PRKN: variants seen among roughly 807,000 people sequenced by gnomAD.
PRKN encodes E3 ubiquitin-protein ligase parkin.
A neutral mutation model predicts 59.5 loss-of-function variants in PRKN; 56 were observed. The observed-to-expected ratio is 0.94, with a 90% CI of 0.76 to 1.18. The LOEUF is 1.18. Ranked by LOEUF, PRKN falls within the 50% of genes most tolerant of loss-of-function variation. PRKN has a pLI of 0.00. For synonymous variants in PRKN, 250 were observed against 222.1 expected (o/e 1.13, Z -1.12); for missense variants, 657 against 596.4 (o/e 1.10, Z -1.06).
At chr6:162,121,520 T>C (rs1371339144) in intron 4 of PRKN, among the ~76,000 whole-genome samples, 1 of 152,184 alleles carries the variant, frequency 6.6e-6, no homozygotes, top group Non-Finnish European at 1.5e-5. Flanking sequence ...CTACCAGTTT[T>C]GATTGGAGTC....
intron 3 of PRKN, among the ~76,000 whole-genome samples, chr6:162,247,201 AT>A (rs1779236541): frequency 1.3e-5 from 2 of 152,158 alleles, no homozygotes; most frequent in South Asian, 4.1e-4. Flanking sequence ...CAAAGATCTT[AT>A]TTTGAATACA....
intron 5 of PRKN, among the ~76,000 whole-genome samples, chr6:161,984,938 A>G (rs555045760): frequency 6.6e-6 from 1 of 152,294 alleles, no homozygotes; most frequent in Admixed American, 6.5e-5. Context: ...ATTCCTGGGC[A>G]GGAATGGCCA....
chr6:162,612,483 G>T (rs529781704), intron 1 of PRKN, among the ~76,000 whole-genome samples: 1 of 150,568 alleles, frequency 6.6e-6, no homozygotes, highest in African/African-American at 2.4e-5. Context: ...GATTTCTCTC[G>T]ACAAGTTAAG....
chr6:161,780,925 G>A (rs1203026061), intron 7 of PRKN, among the ~76,000 whole-genome samples: 1 of 152,192 alleles, frequency 6.6e-6, no homozygotes, highest in Middle Eastern at 3.2e-3. Context: ...ATTGTAATTG[G>A]ATATACAGTT....
At chr6:161,896,056 C>A (rs1446802992) in intron 6 of PRKN, among the ~76,000 whole-genome samples, 1 of 152,070 alleles carries the variant, frequency 6.6e-6, no homozygotes, top group Non-Finnish European at 1.5e-5. Flanking sequence ...GGAGGAGAGA[C>A]TAAAGTGCGG....
At chr6:162,545,969 T>A (rs972485368) in intron 1 of PRKN, among the ~76,000 whole-genome samples, 1 of 151,996 alleles carries the variant, frequency 6.6e-6, no homozygotes, top group African/African-American at 2.4e-5. Context: ...AATTTAAGAG[T>A]CTACACTGTT....
rs76722280 is a variant in PRKN at position 161,429,690 on chromosome 6, C to T, written c.1084-42813G>A. On this transcript the variant is annotated intron_variant, in intron 9 of 11. Coordinates refer to ENST00000366898, the MANE Select transcript of PRKN (RefSeq NM_004562.3). The surrounding 1 kb of genome is among the most constrained non-coding windows in gnomAD (Gnocchi z 4.2). ...AAAGAGGAATCCAGAAGTTCCAGTC[C>T]GAGGGTGTGTGGGAGGAGGGTGAGT... Among the ~76,000 whole-genome samples, 427 of 152,130 alleles carry T rather than the reference C, an allele frequency of 2.8e-3. 5 individuals are homozygous for T. The highest frequency in any genetic ancestry group is 9.9e-3 in the African/African-American group (409 of 41,488).
intron 6 of PRKN, among the ~76,000 whole-genome samples, chr6:161,877,079 C>A (rs1794757742): frequency 6.6e-6 from 1 of 152,114 alleles, no homozygotes; most frequent in African/African-American, 2.4e-5. Context: ...GATTCAATGC[C>A]TGAATCCTAT....
At chr6:162,148,306 C>G (rs919545691) in intron 4 of PRKN, among the ~76,000 whole-genome samples, 3 of 151,880 alleles carry the variant, frequency 2.0e-5, no homozygotes, top group Non-Finnish European at 4.4e-5. Flanking sequence ...GAGTTTGACC[C>G]TCGTGATTCA....
chr6:162,027,761 A>G (rs1199234448), intron 5 of PRKN, among the ~76,000 whole-genome samples: 2 of 151,984 alleles, frequency 1.3e-5, no homozygotes, highest in Non-Finnish European at 2.9e-5. Context: ...GCTTATTTCT[A>G]TATTCACAGA....
At chr6:162,122,062 G>A (rs866333679) in intron 4 of PRKN, among the ~76,000 whole-genome samples, 2 of 152,188 alleles carry the variant, frequency 1.3e-5, no homozygotes, top group Non-Finnish European at 2.9e-5. Flanking sequence ...AGTCTCCAGT[G>A]TGAAGATATC....
At chr6:162,105,659 C>G (rs979301564) in intron 4 of PRKN, among the ~76,000 whole-genome samples, 3 of 152,170 alleles carry the variant, frequency 2.0e-5, no homozygotes, top group African/African-American at 7.2e-5. Context: ...CTTGGTCTCC[C>G]AAAGTGCTGG....
chr6:161,879,496 A>G (rs1794853150), intron 6 of PRKN, among the ~76,000 whole-genome samples: 1 of 151,982 alleles, frequency 6.6e-6, no homozygotes, highest in Non-Finnish European at 1.5e-5. Context: ...TATAGGCGTG[A>G]GCCACCACAC....
chr6:162,057,733 G>A (rs952053546), intron 4 of PRKN, among the ~76,000 whole-genome samples: 13 of 152,144 alleles, frequency 8.5e-5, no homozygotes, highest in African/African-American at 2.4e-4. Context: ...TGTGTACGAC[G>A]ATTAGGCAAT....
intron 1 of PRKN, among the ~76,000 whole-genome samples, chr6:162,587,849 T>C (rs1262111558): frequency 6.6e-6 from 1 of 152,096 alleles, no homozygotes; most frequent in Non-Finnish European, 1.5e-5. Context: ...ATTTGAATTA[T>C]CATGCAGAAT....
intron 1 of PRKN, among the ~76,000 whole-genome samples, chr6:162,675,509 G>C (rs571463070): frequency 1.3e-3 from 194 of 152,226 alleles, no homozygotes; most frequent in African/African-American, 4.2e-3. Context: ...AAAATTTCAA[G>C]GGGACAGCAT....
intron 2 of PRKN, among the ~76,000 whole-genome samples, chr6:162,280,656 T>A (rs1780850268): frequency 6.6e-6 from 1 of 151,772 alleles, no homozygotes; most frequent in Admixed American, 6.6e-5. Context: ...CTGGGCATGG[T>A]AGCGTGTGCC....
chr6:161,959,068 T>G lies in PRKN; in HGVS notation c.734+14234A>C, dbSNP rs566812416. 1.1e-4 allele frequency among the ~76,000 whole-genome samples: 16 copies of G among 152,320 alleles called. No individual in the cohort carries two copies. In the Middle Eastern group the frequency reaches 0.02, roughly 194 times the overall value. The stretch of plus-strand genomic sequence containing the variant: ...TAAATATTGTTATTTTTGTTATTTC[T>G]TGTCCAAAAAATACACACTGTACAC... On this transcript the variant is annotated intron_variant, in intron 6 of 11. Transcript: ENST00000366898.
At chr6:162,281,720 A>G (rs1231233315) in intron 2 of PRKN, among the ~76,000 whole-genome samples, 3 of 152,218 alleles carry the variant, frequency 2.0e-5, no homozygotes, top group Non-Finnish European at 2.9e-5. Context: ...TTTGCAGCTC[A>G]TTACAGTTTT....
Sources: allele counts gnomAD v4.1 joint callset (sites outside exome capture counted in the v4.1 genomes callset), GRCh38; gene constraint gnomAD v4.1.1; non-coding constraint Gnocchi (gnomAD v3.1); transcripts MANE v1.5; gene names NCBI Gene and HGNC (gene_info 2026-07-23, HGNC 2026-07-21).